COL4A1: variants seen among roughly 807,000 people sequenced by gnomAD.
The protein encoded by COL4A1 is collagen type IV alpha 1 chain.
COL4A1 carries 40 observed loss-of-function variants against 216.6 expected under a neutral mutation model. The observed-to-expected ratio is 0.18, with a 90% CI of 0.14 to 0.24. The LOEUF is 0.24. Ranked by LOEUF, COL4A1 falls within the 10% of genes least tolerant of loss-of-function variation. The pLI is 1.00. For synonymous variants in COL4A1, 839 were observed against 810.7 expected, an observed-to-expected ratio of 1.03 and a Z score of -0.59; for missense variants, 1,628 against 2,196.8, an observed-to-expected ratio of 0.74 and a Z score of 5.18.
intron 37 of COL4A1, 90 bp downstream of exon 37, chr13:110,175,128 G>T: frequency 6.6e-7 from 1 of 1,514,630 alleles, no homozygotes; most frequent in South Asian, 1.1e-5. Flanking sequence ...ATGGCTCATT[G>T]AGTGTGCTGA....
chr13:110,253,362 TAC>T (rs1444176354), intron 1 of COL4A1, among the ~76,000 whole-genome samples: 9,413 of 34,444 alleles, frequency 0.27, 1,644 homozygotes, highest in South Asian at 0.43. Flanking sequence ...TTATATGTAT[TAC>T]ATATACATAT....
chr13:110,212,550 G>A (rs775346892), intron 5 of COL4A1, 24 bp downstream of exon 5: 2 of 1,614,220 alleles, frequency 1.2e-6, no homozygotes, highest in Non-Finnish European at 1.7e-6. Flanking sequence ...CATAAAAGAA[G>A]TAGAGCACGT....
At chr13:110,303,959 A>T (rs78085863) in intron 1 of COL4A1, among the ~76,000 whole-genome samples, 9 of 152,334 alleles carry the variant, frequency 5.9e-5, no homozygotes, top group Non-Finnish European at 7.3e-5. Context: ...AGTACCCCCA[A>T]ATCATCTGCT....
intron 2 of COL4A1, among the ~76,000 whole-genome samples, chr13:110,238,122 T>C (rs1251905020): frequency 6.6e-6 from 1 of 152,236 alleles, no homozygotes; most frequent in African/African-American, 2.4e-5. Context: ...GGAGCTGTGA[T>C]TTATAGACAA....
At chr13:110,152,645 C>CA in intron 50 of COL4A1, 139 bp from the exon 51 acceptor site, 1 of 1,075,076 alleles carries the variant, frequency 9.3e-7, no homozygotes, top group East Asian at 2.6e-5. Flanking sequence ...CCACAGGACA[C>CA]ACTCTGTGCC....
Position 110,162,285 on chromosome 13 carries a change from G to T in COL4A1, c.4407C>A (p.His1469Gln). The T allele has an allele frequency of 1.2e-6, 2 of 1,614,208 alleles. No homozygotes were observed. The highest frequency in any genetic ancestry group is 1.7e-6 in the Non-Finnish European group (2 of 1,180,028). ...QCPSGTKILY[H>Q]GYSLLYVQGN... ...CTTGCACGTAGAGCAAAGAGTACCC[G>T]TGGTAAAGAATTTTGGTCCCAGAAG... Residue 1469 changes from histidine (H) to glutamine (Q), a missense_variant, in exon 48 of 52, where the codon CAC (histidine) becomes CAA (glutamine). Physicochemically the swap from His to Gln is conservative, Grantham distance 24. Around this residue, in one of 8 missense-constraint regions of COL4A1, gnomAD observed 254 missense variants for 300.1 expected, o/e 0.85. Transcript: ENST00000375820.
chr13:110,300,063 TATAA>T (rs538827400), intron 1 of COL4A1, among the ~76,000 whole-genome samples: 214 of 152,338 alleles, frequency 1.4e-3, no homozygotes, highest in Middle Eastern at 6.8e-3. Flanking sequence ...GTAATATACA[TATAA>T]ATAAAGCATT....
intron 1 of COL4A1, among the ~76,000 whole-genome samples, chr13:110,261,035 T>TAAAAAAAAAAAAG (rs1303970828): frequency 4.7e-5 from 2 of 42,184 alleles, no homozygotes; most frequent in East Asian, 5.8e-4. Context: ...AGACTCCGTC[T>TAAAAAAAAAAAAG]CAAAAAAAAA....
At chr13:110,157,849 A>G (rs1876860287) in intron 49 of COL4A1, among the ~76,000 whole-genome samples, 2 of 152,178 alleles carry the variant, frequency 1.3e-5, no homozygotes, top group Admixed American at 1.3e-4. Context: ...AGAGGAATGC[A>G]TCACACAGAA....
chr13:110,209,921 A>T (rs2166207), intron 10 of COL4A1, 59 bp downstream of exon 10: 1 of 1,554,102 alleles, frequency 6.4e-7, no homozygotes, highest in South Asian at 1.1e-5. Flanking sequence ...TTTATTTTCA[A>T]ACCTCAATAT....
chr13:110,215,704 A>T (rs1880040161), intron 2 of COL4A1, among the ~76,000 whole-genome samples: 1 of 152,226 alleles, frequency 6.6e-6, no homozygotes, highest in Non-Finnish European at 1.5e-5. Flanking sequence ...TAAAAACATA[A>T]GGCAGACAGT....
intron 28 of COL4A1, 115 bp from the exon 29 acceptor site, chr13:110,181,504 G>T: frequency 9.0e-7 from 1 of 1,114,990 alleles, no homozygotes; most frequent in Non-Finnish European, 1.3e-6. Flanking sequence ...ATCTGAGAAG[G>T]TCAACTGTGG....
In COL4A1 at chr13:110,268,730, C is replaced by CA. The variant is rs1883136004; in HGVS notation, c.85-25997dup. On this transcript the variant is annotated intron_variant, in intron 1 of 51. Transcript: ENST00000375820. The surrounding 1 kb of genome is among the most constrained non-coding windows in gnomAD (Gnocchi z 4.1). ...TGTGGGAATGACACCTGCCTCTTAA[C>CA]ACAACTGGGACAAGGAAATCAGCTG... Among the ~76,000 whole-genome samples, 1 of 152,196 alleles carries CA rather than the reference C, an allele frequency of 6.6e-6. No homozygotes were observed. Among genetic ancestry groups the CA allele is most frequent in the Non-Finnish European group, 1.5e-5 (1 of 68,040 alleles).
At chr13:110,247,783 T>C (rs1029053455) in intron 1 of COL4A1, among the ~76,000 whole-genome samples, 10 of 138,488 alleles carry the variant, frequency 7.2e-5, no homozygotes, top group African/African-American at 2.5e-4. Context: ...CCAGCTGCTA[T>C]GCTACTCGTG....
intron 49 of COL4A1, among the ~76,000 whole-genome samples, chr13:110,156,974 T>C (rs1466222245): frequency 1.3e-5 from 2 of 152,204 alleles, no homozygotes; most frequent in African/African-American, 4.8e-5. Context: ...GTGACTGAAA[T>C]TGGCCTTATA....
chr13:110,289,960 C>T (rs1429136659), intron 1 of COL4A1, among the ~76,000 whole-genome samples: 2 of 152,120 alleles, frequency 1.3e-5, no homozygotes, highest in Non-Finnish European at 2.9e-5. Flanking sequence ...TTTAAGGCCC[C>T]TGGGAAGTAA....
chr13:110,284,050 T>C (rs1883743517), intron 1 of COL4A1, among the ~76,000 whole-genome samples: 1 of 152,206 alleles, frequency 6.6e-6, no homozygotes, highest in Admixed American at 6.5e-5. Context: ...GCAAAGGGTC[T>C]GTAGGTCAGG....
At chr13:110,293,431 A>G (rs1260347220) in intron 1 of COL4A1, among the ~76,000 whole-genome samples, 3 of 152,238 alleles carry the variant, frequency 2.0e-5, no homozygotes, top group African/African-American at 7.2e-5. Flanking sequence ...AGTTAATGCT[A>G]CAGTTTCTCA....
At chr13:110,167,932 CAT>C (rs911871631) in intron 43 of COL4A1, among the ~76,000 whole-genome samples, 282 of 152,166 alleles carry the variant, frequency 1.9e-3, no homozygotes, top group African/African-American at 6.6e-3. Flanking sequence ...TGTATATAAA[CAT>C]ATATACAAAC....
Sources: gnomAD v4.1 joint callset for allele counts (sites outside exome capture counted in the v4.1 genomes callset) on GRCh38, gnomAD v4.1.1 for gene constraint, gnomAD v4.1.1 regional missense constraint, Gnocchi (gnomAD v3.1) non-coding constraint, MANE v1.5 for transcripts, NCBI Gene and HGNC (gene_info 2026-07-23, HGNC 2026-07-21) for gene names.